MGAT4C: variants seen among roughly 807,000 people sequenced by gnomAD.
MGAT4C encodes the protein alpha-1,3-mannosyl-glycoprotein 4-beta-N-acetylglucosaminyltransferase C.
In MGAT4C, 19 loss-of-function variants were observed where a neutral mutation model predicts 40.1. The observed-to-expected ratio is 0.47, with a 90% CI of 0.33 to 0.70. The LOEUF is 0.70. Among genes scored for constraint, MGAT4C ranks in the 30% least tolerant of loss-of-function variants. The pLI, the probability that MGAT4C is intolerant of heterozygous loss-of-function variation, is 0.02. For synonymous variants in MGAT4C, 181 were observed against 187.1 expected (o/e 0.97, Z 0.27); for missense variants, 491 against 563.2 (o/e 0.87, Z 1.30).
intron 4 of MGAT4C, among the ~76,000 whole-genome samples, chr12:86,333,162 G>A (rs1954710290): frequency 6.6e-6 from 1 of 152,128 alleles, no homozygotes; most frequent in African/African-American, 2.4e-5. Context: ...TCACTTATCT[G>A]CAGCCAGGCA....
chr12:86,624,407 T>C (rs977161741), intron 2 of MGAT4C, among the ~76,000 whole-genome samples: 2 of 152,144 alleles, frequency 1.3e-5, no homozygotes, highest in Admixed American at 6.5e-5. Context: ...TGCCCAAGTA[T>C]TGAAAACTTG....
At chr12:86,294,046 C>T (rs916013036) in intron 4 of MGAT4C, among the ~76,000 whole-genome samples, 10 of 152,012 alleles carry the variant, frequency 6.6e-5, no homozygotes, top group African/African-American at 2.4e-4. Context: ...TTAACTCCAC[C>T]AGTGCACACA....
chr12:86,705,109 C>T (rs1315062087), intron 2 of MGAT4C, among the ~76,000 whole-genome samples: 1 of 152,010 alleles, frequency 6.6e-6, no homozygotes, highest in Non-Finnish European at 1.5e-5. Context: ...CCAGAATAGC[C>T]TCAATGTTTT....
chr12:86,266,555 ATT>A (rs1166296657), intron 4 of MGAT4C, among the ~76,000 whole-genome samples: 1 of 152,052 alleles, frequency 6.6e-6, no homozygotes, highest in Non-Finnish European at 1.5e-5. Context: ...TTTGCTGAAA[ATT>A]TTGTGTCTAT....
chr12:86,107,176 A>G (rs1446695909), intron 1 of MGAT4C, among the ~76,000 whole-genome samples: 1 of 152,226 alleles, frequency 6.6e-6, no homozygotes, highest in African/African-American at 2.4e-5. Context: ...TCTAGCTCGC[A>G]TCTTCAGGTA....
At chr12:86,517,009 T>C (rs2136354637) in intron 2 of MGAT4C, among the ~76,000 whole-genome samples, 1 of 152,244 alleles carries the variant, frequency 6.6e-6, no homozygotes, top group Middle Eastern at 3.4e-3. Flanking sequence ...ATTTCACACC[T>C]ACGAGGATAA....
intron 2 of MGAT4C, among the ~76,000 whole-genome samples, chr12:86,631,534 A>G (rs898072277): frequency 5.9e-5 from 9 of 152,100 alleles, no homozygotes; most frequent in Admixed American, 2.0e-4. Flanking sequence ...CCAAAACAGA[A>G]TGGTACTGGT....
chr12:86,558,258 A>T (rs1959705296), intron 2 of MGAT4C, among the ~76,000 whole-genome samples: 1 of 152,082 alleles, frequency 6.6e-6, no homozygotes. Flanking sequence ...CAGAGCGAGG[A>T]GATAGGCAAA....
At chr12:86,377,060 C>CTTT (rs57102882) in intron 3 of MGAT4C, among the ~76,000 whole-genome samples, 7 of 130,678 alleles carry the variant, frequency 5.4e-5, no homozygotes, top group Non-Finnish European at 8.3e-5. Context: ...TAGGCATTTG[C>CTTT]TTTTTTTTTT....
intron 2 of MGAT4C, among the ~76,000 whole-genome samples, chr12:86,560,913 A>G (rs1959832033): frequency 1.3e-5 from 2 of 152,210 alleles, no homozygotes; most frequent in Non-Finnish European, 2.9e-5. Flanking sequence ...CTACTAAAGA[A>G]AACACAAACT....
At chr12:86,467,931 T>A (rs929290324) in intron 2 of MGAT4C, among the ~76,000 whole-genome samples, 45 of 152,218 alleles carry the variant, frequency 3.0e-4, no homozygotes, top group African/African-American at 1.1e-3. Flanking sequence ...TTAAGGGTTA[T>A]TTAATTTGAA....
At chr12:86,722,554 G>T (rs1950754698) in intron 2 of MGAT4C, among the ~76,000 whole-genome samples, 1 of 152,076 alleles carries the variant, frequency 6.6e-6, no homozygotes, top group Non-Finnish European at 1.5e-5. Flanking sequence ...CCACCTCAAA[G>T]ACTGACCTGG....
intron 3 of MGAT4C, among the ~76,000 whole-genome samples, chr12:86,401,941 G>C (rs1392358662): frequency 6.6e-6 from 1 of 151,944 alleles, no homozygotes; most frequent in Non-Finnish European, 1.5e-5. Flanking sequence ...TTGTACAAGC[G>C]CTTACAAACA....
At position 86,388,679 on chromosome 12, in the gene MGAT4C, T is replaced by G. The variant is rs1437459106; in HGVS notation, c.-120+46478A>C. Among the ~76,000 whole-genome samples, 9 of 139,820 alleles carry G rather than the reference T, an allele frequency of 6.4e-5. No homozygotes were observed. The East Asian group carries it at 1.2e-3, about 19-fold the overall frequency. 91.7% of individuals were successfully genotyped at this position (139,820 alleles called of 152,430 possible). On this transcript the variant is annotated intron_variant, in intron 3 of 7. Coordinates refer to the MGAT4C transcript ENST00000548651. Reference sequence around the variant, plus strand: ...ATAAACACTTCAGCGTTTTTTGTTTTTTTTTTTTTTTTTTTTTTTTAGACA... The same window carrying G: ...ATAAACACTTCAGCGTTTTTTGTTTGTTTTTTTTTTTTTTTTTTTTAGACA...
intron 2 of MGAT4C, among the ~76,000 whole-genome samples, chr12:86,465,667 AAAC>A (rs1486360888): frequency 6.6e-6 from 1 of 152,180 alleles, no homozygotes; most frequent in African/African-American, 2.4e-5. Flanking sequence ...TGCAAAATTA[AAAC>A]AACAATCAGA....
rs144733431 is a variant in MGAT4C at position 86,238,191 on chromosome 12, T to C, written c.-57+18048A>G. ...TATTAAGGGGTATGTAAATCCTTCATGTTAGAGTAGACAAAGCTCATCTTC... is the reference window on the plus strand; with the variant it reads ...TATTAAGGGGTATGTAAATCCTTCACGTTAGAGTAGACAAAGCTCATCTTC... On this transcript the variant is annotated intron_variant, in intron 1 of 4. Transcript: ENST00000611864. Among the ~76,000 whole-genome samples the C allele has an allele frequency of 7.2e-5, 11 of 152,064 alleles. No homozygotes were observed. The South Asian group carries it at 1.7e-3, about 23-fold the overall frequency.
At chr12:86,709,990 C>T (rs1950529540) in intron 2 of MGAT4C, among the ~76,000 whole-genome samples, 1 of 152,066 alleles carries the variant, frequency 6.6e-6, no homozygotes, top group Non-Finnish European at 1.5e-5. Flanking sequence ...TAATCACTAA[C>T]CTTCATAATA....
chr12:86,758,974 C>A (rs1402915389), intron 1 of MGAT4C, among the ~76,000 whole-genome samples: 1 of 152,048 alleles, frequency 6.6e-6, no homozygotes, highest in Non-Finnish European at 1.5e-5. Flanking sequence ...TTCAGTAGAA[C>A]ATCATGGCCT....
At chr12:86,406,906 T>G (rs1218872855) in intron 3 of MGAT4C, among the ~76,000 whole-genome samples, 1 of 152,218 alleles carries the variant, frequency 6.6e-6, no homozygotes, top group African/African-American at 2.4e-5. Flanking sequence ...TCAATTCTAA[T>G]GCTATCTACC....
Sources: gnomAD v4.1 joint callset for allele counts (sites outside exome capture counted in the v4.1 genomes callset) on GRCh38, gnomAD v4.1.1 for gene constraint, MANE v1.5 for transcripts, NCBI Gene and HGNC (gene_info 2026-07-23, HGNC 2026-07-21) for gene names.